ATRNL1: variants seen among roughly 807,000 people sequenced by gnomAD.
The protein encoded by ATRNL1 is attractin-like protein 1.
ATRNL1 carries 95 observed loss-of-function variants against 182.7 expected under a neutral mutation model. The ratio of observed to expected loss-of-function variants is 0.52; its 90% CI spans 0.44 to 0.62. ATRNL1 has a LOEUF of 0.62. Ranked by LOEUF, ATRNL1 falls within the 20% of genes least tolerant of loss-of-function variation. The pLI is 0.00. For missense variants in ATRNL1, 1,471 were observed against 1,679.5 expected, an observed-to-expected ratio of 0.88 and a Z score of 2.17; for synonymous variants, 576 against 568.3, an observed-to-expected ratio of 1.01 and a Z score of -0.19.
intron 13 of ATRNL1, among the ~76,000 whole-genome samples, chr10:115,270,330 G>C (rs1554912462): frequency 1.4e-5 from 1 of 69,868 alleles, no homozygotes; most frequent in African/African-American, 5.9e-5. Context: ...AAATATATTT[G>C]TTTATATATT....
Position 115,121,793 on chromosome 10 carries a change from C to T in ATRNL1, c.472C>T (p.Pro158Ser), listed in dbSNP as rs1844748173. 1.3e-6 allele frequency: 2 copies of T among 1,513,732 alleles called. No individual in the cohort carries two copies. Among genetic ancestry groups the T allele is most frequent in the Non-Finnish European group, 1.8e-6 (2 of 1,108,854 alleles). 93.8% of individuals were successfully genotyped at this position (1,513,732 alleles called of 1,614,324 possible). ...TTATGATGGAGATTCAATATATGCA[C>T]CTTTAATAGCTGTACTTAGGTGAGT... ...YVYDGDSIYA[P>S]LIAVLSGLIV... Residue 158 changes from proline to serine, a missense_variant, in exon 3 of 29, where the codon CCT becomes TCT. Coordinates refer to ENST00000355044, the MANE Select transcript of ATRNL1 (RefSeq NM_207303.4).
At chr10:115,202,874 G>C (rs1218672674) in intron 8 of ATRNL1, among the ~76,000 whole-genome samples, 1 of 147,282 alleles carries the variant, frequency 6.8e-6, no homozygotes, top group Non-Finnish European at 1.5e-5. Flanking sequence ...GACTCTTTTT[G>C]GTTGGTAAGC....
At chr10:115,587,340 G>A (rs555064488) in intron 26 of ATRNL1, among the ~76,000 whole-genome samples, 24 of 152,150 alleles carry the variant, frequency 1.6e-4, no homozygotes, top group South Asian at 4.2e-4. Flanking sequence ...TGGCAATGGC[G>A]GGCGCCCCTC....
chr10:115,131,439 G>C (rs1845231555), intron 5 of ATRNL1, among the ~76,000 whole-genome samples: 1 of 152,124 alleles, frequency 6.6e-6, no homozygotes, highest in Admixed American at 6.6e-5. Context: ...GACAAATTAT[G>C]TGCAGACTGG....
Position 115,127,605 on chromosome 10 carries a change from C to A in ATRNL1, c.504C>A (p.Val168=). The part of the protein sequence containing the change: ...PLIAVLSGLI[V]PEIRGNETVP... ...TGTTCTCTTTTAGTGGTTTGATAGT[C>A]CCTGAAATAAGGGGCAATGAAACTG... The change falls in exon 4 of 29, where the codon GTC becomes GTA. Residue 168 remains valine, a synonymous_variant. Transcript: ENST00000355044. 1 of 1,608,904 alleles carries A rather than the reference C, an allele frequency of 6.2e-7. No homozygotes were observed. Among genetic ancestry groups the A allele is most frequent in the East Asian group, 2.2e-5 (1 of 44,482 alleles).
chr10:115,411,541 T>C (rs1845142585), intron 20 of ATRNL1, among the ~76,000 whole-genome samples: 1 of 151,554 alleles, frequency 6.6e-6, no homozygotes, highest in African/African-American at 2.4e-5. Context: ...ATTATCTCTT[T>C]GCTTAGACAC....
chr10:115,460,734 A>T (rs1847754658), intron 21 of ATRNL1, among the ~76,000 whole-genome samples: 1 of 152,066 alleles, frequency 6.6e-6, no homozygotes, highest in South Asian at 2.1e-4. Flanking sequence ...CTGGAAGCAT[A>T]CTCCTACCTA....
intron 26 of ATRNL1, among the ~76,000 whole-genome samples, chr10:115,629,916 A>G (rs1317303877): frequency 6.6e-6 from 1 of 152,302 alleles, no homozygotes; most frequent in East Asian, 1.9e-4. Flanking sequence ...TAAATGTTAA[A>G]GAACAAGTAG....
At chr10:115,408,691 T>C (rs1844984448) in intron 20 of ATRNL1, among the ~76,000 whole-genome samples, 1 of 152,226 alleles carries the variant, frequency 6.6e-6, no homozygotes, top group South Asian at 2.1e-4. Context: ...CTAGTAGTTT[T>C]ATTGTTTCTG....
chr10:115,392,690 A>G (rs1844087851), intron 19 of ATRNL1, among the ~76,000 whole-genome samples: 1 of 152,190 alleles, frequency 6.6e-6, no homozygotes, highest in African/African-American at 2.4e-5. Context: ...CCATTCTCAC[A>G]TAAATGTCTT....
intron 5 of ATRNL1, among the ~76,000 whole-genome samples, chr10:115,152,627 G>A (rs1846292498): frequency 6.6e-6 from 1 of 152,058 alleles, no homozygotes; most frequent in Non-Finnish European, 1.5e-5. Flanking sequence ...GAGATGATGG[G>A]GTTTTCTAAA....
chr10:115,243,566 A>G (rs1850510392), intron 10 of ATRNL1, among the ~76,000 whole-genome samples: 1 of 152,052 alleles, frequency 6.6e-6, no homozygotes, highest in South Asian at 2.1e-4. Flanking sequence ...TAACTTTTGT[A>G]ACTCCTAAAA....
At chr10:115,493,149 T>C (rs1029920517) in intron 24 of ATRNL1, among the ~76,000 whole-genome samples, 2 of 152,180 alleles carry the variant, frequency 1.3e-5, no homozygotes, top group African/African-American at 4.8e-5. Context: ...GTGGTAGACA[T>C]GCCAGTTTGC....
intron 20 of ATRNL1, among the ~76,000 whole-genome samples, chr10:115,409,227 A>G (rs1313095416): frequency 6.6e-6 from 1 of 152,054 alleles, no homozygotes. Context: ...ATTTGTTTGC[A>G]TTCTCCTCAA....
At chr10:115,248,239 G>C (rs185691690) in intron 10 of ATRNL1, among the ~76,000 whole-genome samples, 184 of 152,168 alleles carry the variant, frequency 1.2e-3, no homozygotes, top group African/African-American at 4.3e-3. Context: ...ACCCTGATCT[G>C]ATCACTATAC....
chr10:115,867,577 G>C (rs2134406563), intron 28 of ATRNL1, among the ~76,000 whole-genome samples: 1 of 152,234 alleles, frequency 6.6e-6, no homozygotes, highest in South Asian at 2.1e-4. Context: ...AACAGGATCA[G>C]ACAACTAGAG....
chr10:115,638,624 T>A (rs1165626203), intron 26 of ATRNL1, among the ~76,000 whole-genome samples: 1 of 152,194 alleles, frequency 6.6e-6, no homozygotes, highest in East Asian at 1.9e-4. Flanking sequence ...AATTAGATAT[T>A]GGTGGTAATT....
At chr10:115,503,235 G>T (rs916126090) in intron 24 of ATRNL1, among the ~76,000 whole-genome samples, 10 of 151,998 alleles carry the variant, frequency 6.6e-5, no homozygotes, top group African/African-American at 2.4e-4. Context: ...TAATAATAAT[G>T]GCATAGGAAT....
At chr10:115,336,992 T>C (rs1855518300) in intron 19 of ATRNL1, among the ~76,000 whole-genome samples, 1 of 146,034 alleles carries the variant, frequency 6.8e-6, no homozygotes, top group African/African-American at 2.5e-5. Flanking sequence ...GGGGGGGGAC[T>C]ACAGGGGCCC....
Sources: gnomAD v4.1 joint callset for allele counts (sites outside exome capture counted in the v4.1 genomes callset) on GRCh38, gnomAD v4.1.1 for gene constraint, MANE v1.5 for transcripts, NCBI Gene and HGNC (gene_info 2026-07-23, HGNC 2026-07-21) for gene names.